ADGRG1: variants seen among roughly 807,000 people sequenced by gnomAD.
The protein encoded by ADGRG1 is adhesion G protein-coupled receptor G1.
In ADGRG1, 53 loss-of-function variants were observed where a neutral mutation model predicts 73.5. The observed-to-expected ratio is 0.72, with a 90% CI of 0.58 to 0.91. The LOEUF (loss-of-function observed/expected upper bound fraction) is 0.91. Among genes scored for constraint, ADGRG1 ranks in the 40% least tolerant of loss-of-function variants. The pLI is 0.00. For missense variants in ADGRG1, 795 were observed against 871.8 expected (o/e 0.91, Z 1.11); for synonymous variants, 394 against 374.4 (o/e 1.05, Z -0.60).
chr16:57,625,539 C>A (rs1285614380), upstream of ADGRG1: 1 of 984,224 alleles, frequency 1.0e-6, no homozygotes, highest in Admixed American at 6.1e-5. Flanking sequence ...GACCCAACTT[C>A]CCCTCTACTC....
At chr16:57,652,963 C>T (rs1295276219) in intron 3 of ADGRG1, 1 of 1,396,108 alleles carries the variant, frequency 7.2e-7, no homozygotes, top group Non-Finnish European at 9.3e-7. Context: ...CAAGGCACAT[C>T]CCACCCCATC....
chr16:57,627,557 C>G (rs1369140638), upstream of ADGRG1, among the ~76,000 whole-genome samples: 1 of 152,210 alleles, frequency 6.6e-6, no homozygotes, highest in African/African-American at 2.4e-5. Flanking sequence ...TGGCAAGTAC[C>G]AGGCACTGGT....
chr16:57,651,308 T>C lies in ADGRG1; in HGVS notation c.173T>C (p.Ile58Thr). The stretch of plus-strand genomic sequence containing the variant: ...CCCACACCAGACCTGCGCATCTCCA[T>C]CGAGAACTCCGAAGAGGCCCTCACA... ...YKPTPDLRISIENSEEALTVH... is the reference protein window; with the variant it reads ...YKPTPDLRISTENSEEALTVH... The change falls in exon 3 of 14, where the codon ATC becomes ACC. Residue 58 changes from isoleucine (I) to threonine (T), a missense_variant. Transcript: ENST00000562631. The C allele has an allele frequency of 6.2e-7, 1 of 1,614,136 alleles. No individual in the cohort carries two copies. Among genetic ancestry groups the C allele is most frequent in the Non-Finnish European group, 8.5e-7 (1 of 1,180,014 alleles).
chr16:57,648,661 C>G, intron 1 of ADGRG1: 1 of 984,444 alleles, frequency 1.0e-6, no homozygotes, highest in Non-Finnish European at 1.2e-6. Context: ...CTTGGTTTCT[C>G]TTAAACTCAG....
intron 5 of ADGRG1, among the ~76,000 whole-genome samples, chr16:57,654,795 G>T (rs1426783174): frequency 1.3e-5 from 2 of 152,158 alleles, no homozygotes; most frequent in Non-Finnish European, 2.9e-5. Context: ...CAGGAGAATC[G>T]CTTGAACCCG....
intron 3 of ADGRG1, 57 bp downstream of exon 3, chr16:57,651,679 G>C (rs1165547410): frequency 6.4e-7 from 1 of 1,558,364 alleles, no homozygotes; most frequent in Non-Finnish European, 8.7e-7. Context: ...GGCAGGGAAG[G>C]CAAAATGCAA....
At chr16:57,639,423 C>G (rs2040189335) in intron 1 of ADGRG1, 1 of 985,382 alleles carries the variant, frequency 1.0e-6, no homozygotes, top group South Asian at 4.7e-5. Flanking sequence ...ACCTGCGCCC[C>G]TTCTCCCGCG....
At chr16:57,654,608 A>G (rs1291578153) in intron 5 of ADGRG1, among the ~76,000 whole-genome samples, 1 of 152,152 alleles carries the variant, frequency 6.6e-6, no homozygotes, top group East Asian at 1.9e-4. Flanking sequence ...GGCTAGGTGC[A>G]GTGGCTCACA....
At chr16:57,642,706 G>C (rs551972222) in intron 1 of ADGRG1, 2 of 923,120 alleles carry the variant, frequency 2.2e-6, no homozygotes, top group African/African-American at 3.6e-5. Context: ...TAAAGATGGG[G>C]AGACTGAGTC....
intron 1 of ADGRG1, chr16:57,636,619 T>C: frequency 2.0e-6 from 2 of 985,202 alleles, no homozygotes; most frequent in South Asian, 9.4e-5. Flanking sequence ...CTAGATCTTC[T>C]ATCAGGAATG....
intron 3 of ADGRG1, chr16:57,652,109 CCAG>C: frequency 9.6e-7 from 1 of 1,043,984 alleles, no homozygotes; most frequent in African/African-American, 1.7e-5. Flanking sequence ...GGATTTGAAC[CCAG>C]CAGCTGATTG....
chr16:57,636,776 G>A, intron 1 of ADGRG1: 1 of 865,562 alleles, frequency 1.2e-6, no homozygotes, highest in Non-Finnish European at 1.4e-6. Context: ...ACTGTGCTAG[G>A]TACTGGAGAT....
At chr16:57,662,503 G>A (rs551123301) in intron 13 of ADGRG1, among the ~76,000 whole-genome samples, 5 of 152,286 alleles carry the variant, frequency 3.3e-5, no homozygotes, top group East Asian at 3.9e-4. Flanking sequence ...TGGGCCACCC[G>A]GGCCCTGCCA....
At chr16:57,662,412 TGGG>T (rs71383257) in intron 13 of ADGRG1, among the ~76,000 whole-genome samples, 2 of 151,564 alleles carry the variant, frequency 1.3e-5, no homozygotes, top group Non-Finnish European at 2.9e-5. Context: ...CATGGAGAGA[TGGG>T]GGGGCCTCCC....
upstream of ADGRG1, chr16:57,626,719 T>TGTG (rs1555529897): frequency 3.0e-6 from 3 of 984,624 alleles, no homozygotes; most frequent in Admixed American, 6.2e-5. Flanking sequence ...GGGGTGTGTG[T>TGTG]GTGGTGGTGG....
intron 3 of ADGRG1, chr16:57,652,136 G>A: frequency 9.7e-7 from 1 of 1,033,846 alleles, no homozygotes; most frequent in Non-Finnish European, 1.2e-6. Flanking sequence ...TGGGGTAGGG[G>A]TGAGGGGCGG....
In ADGRG1 at chr16:57,661,895, C is replaced by T. The variant is rs780375052; in HGVS notation, c.1863C>T (p.Phe621=). The T allele has an allele frequency of 1.2e-6, 2 of 1,614,154 alleles. No homozygotes were observed. The highest frequency in any genetic ancestry group is 3.3e-5 in the Admixed American group (2 of 60,012). The change falls in exon 13 of 14, where the codon TTC becomes TTT. Residue 621 remains phenylalanine (F), a synonymous_variant. Transcript: ENST00000562631. ...TTGGCCTGCCCTGGGCCTTGATCTT[C>T]TTCTCCTTTGCTTCTGGCACCTTCC... ...LVLGLPWALI[F]FSFASGTFQL...
chr16:57,633,329 T>C, intron 1 of ADGRG1: 1 of 984,972 alleles, frequency 1.0e-6, no homozygotes, highest in African/African-American at 1.7e-5. Context: ...CCTTGAAAAA[T>C]GACTTAGAGC....
chr16:57,653,783 C>T (rs1355393640), intron 4 of ADGRG1: 2 of 983,622 alleles, frequency 2.0e-6, no homozygotes, highest in East Asian at 2.3e-4. Flanking sequence ...CCAGCTCATT[C>T]TTTCTCTCCC....
Sources: gnomAD v4.1 joint callset for allele counts (sites outside exome capture counted in the v4.1 genomes callset) on GRCh38, gnomAD v4.1.1 for gene constraint, MANE v1.5 for transcripts, NCBI Gene and HGNC (gene_info 2026-07-23, HGNC 2026-07-21) for gene names.